Variants in DAB2IP observed in about 807,000 individuals in gnomAD.
DAB2IP encodes DAB2 interacting protein.
In DAB2IP, 28 loss-of-function variants were observed where a neutral mutation model predicts 107.2. The ratio of observed to expected loss-of-function variants is 0.26; its 90% CI spans 0.19 to 0.36. The LOEUF (loss-of-function observed/expected upper bound fraction) is 0.36. Ranked by LOEUF, DAB2IP falls within the 10% of genes least tolerant of loss-of-function variation. The pLI, the probability that DAB2IP is intolerant of heterozygous loss-of-function variation, is 1.00. For missense variants in DAB2IP, 1,400 were observed against 1,644.7 expected (o/e 0.85, Z 2.57); for synonymous variants, 755 against 706.4 (o/e 1.07, Z -1.09).
At position 121,662,008 on chromosome 9, in the gene DAB2IP, C is replaced by G. The variant is rs910479954; in HGVS notation, c.124+10109C>G. On this transcript the variant is annotated intron_variant, in intron 1 of 15. Transcript: ENST00000408936. The surrounding 1 kb of genome is among the most constrained non-coding windows in gnomAD (Gnocchi z 4.6). ...AAAAAAAAAACAAAAAAACCCAACT[C>G]CTAAGATTACAAAAAGCAGTAAATA... Among the ~76,000 whole-genome samples, 4 of 151,968 alleles carry G rather than the reference C, an allele frequency of 2.6e-5. No individual in the cohort carries two copies. The East Asian group carries it at 7.7e-4, about 29-fold the overall frequency.
intron 1 of DAB2IP, among the ~76,000 whole-genome samples, chr9:121,584,322 G>A (rs1051785761): frequency 6.6e-6 from 1 of 151,918 alleles, no homozygotes; most frequent in Non-Finnish European, 1.5e-5. Flanking sequence ...TGGATCACTT[G>A]AGCCCAGGAA....
chr9:121,680,754 T>C (rs75595265), intron 2 of DAB2IP, among the ~76,000 whole-genome samples: 88 of 47,070 alleles, frequency 1.9e-3, no homozygotes, highest in African/African-American at 7.7e-3. Flanking sequence ...TTTTTTTTTT[T>C]TTTTTTGAGA....
At chr9:121,756,311 C>T (rs886195754) in intron 3 of DAB2IP, among the ~76,000 whole-genome samples, 3 of 152,198 alleles carry the variant, frequency 2.0e-5, no homozygotes, top group Non-Finnish European at 4.4e-5. Flanking sequence ...GTTTGGGTGC[C>T]GGGTGGCATC....
At chr9:121,642,045 T>TC (rs1832365795) in intron 1 of DAB2IP, among the ~76,000 whole-genome samples, 1 of 36,682 alleles carries the variant, frequency 2.7e-5, no homozygotes, top group African/African-American at 1.3e-4. Context: ...CTTTCTTTCT[T>TC]TCTTTCTTTC....
chr9:121,779,841 C>T (rs1027043927), intron 14 of DAB2IP, among the ~76,000 whole-genome samples: 2 of 152,236 alleles, frequency 1.3e-5, no homozygotes, highest in Admixed American at 6.5e-5. Flanking sequence ...GAGTTTCTCT[C>T]TGCCTCTTGC....
intron 2 of DAB2IP, among the ~76,000 whole-genome samples, chr9:121,680,995 G>C (rs894288590): frequency 1.3e-5 from 2 of 151,910 alleles, no homozygotes; most frequent in African/African-American, 2.4e-5. Context: ...CTACCACCTC[G>C]GCCTCTCAAA....
intron 1 of DAB2IP, among the ~76,000 whole-genome samples, chr9:121,678,206 G>A (rs997672642): frequency 1.3e-5 from 2 of 152,098 alleles, no homozygotes; most frequent in Non-Finnish European, 2.9e-5. Flanking sequence ...CTGTCTCTAC[G>A]AATTGGCCTC....
chr9:121,706,330 C>T (rs1011998602), intron 3 of DAB2IP, among the ~76,000 whole-genome samples: 3 of 152,190 alleles, frequency 2.0e-5, no homozygotes, highest in African/African-American at 7.2e-5. Context: ...TCTGTTTTCC[C>T]ACCCCTCCAG....
intron 1 of DAB2IP, among the ~76,000 whole-genome samples, chr9:121,574,294 C>G (rs570349992): frequency 2.6e-5 from 4 of 152,214 alleles, no homozygotes; most frequent in African/African-American, 7.2e-5. Flanking sequence ...AGCCAAAGAC[C>G]TGGGCTCTCA....
intron 1 of DAB2IP, among the ~76,000 whole-genome samples, chr9:121,653,467 G>A (rs893734547): frequency 3.3e-5 from 5 of 152,030 alleles, no homozygotes; most frequent in African/African-American, 9.7e-5. Flanking sequence ...TGTGACTTTG[G>A]GCAAGTCATT....
chr9:121,632,029 T>G (rs2119018000), intron 1 of DAB2IP, among the ~76,000 whole-genome samples: 1 of 152,046 alleles, frequency 6.6e-6, no homozygotes, highest in African/African-American at 2.4e-5. Context: ...AGAGCTGAAC[T>G]GAGCCCAGGG....
chr9:121,753,819 C>G (rs1427414830), intron 3 of DAB2IP, among the ~76,000 whole-genome samples: 1 of 152,240 alleles, frequency 6.6e-6, no homozygotes, highest in East Asian at 1.9e-4. Context: ...TCCCTCCTTT[C>G]ACCTGAGCGT....
At chr9:121,567,561 G>A (rs889352699) in intron 1 of DAB2IP, among the ~76,000 whole-genome samples, 17 of 152,226 alleles carry the variant, frequency 1.1e-4, no homozygotes, top group South Asian at 6.2e-4. Flanking sequence ...CTCGCTGTTC[G>A]CCAGGCCTGC....
intron 2 of DAB2IP, among the ~76,000 whole-genome samples, chr9:121,689,831 G>T (rs1829074276): frequency 6.6e-6 from 1 of 152,248 alleles, no homozygotes; most frequent in Non-Finnish European, 1.5e-5. Flanking sequence ...TCAGAGATCA[G>T]CTAGACTAAT....
At position 121,599,296 on chromosome 9, in the gene DAB2IP, CGCCGGCATCTCGG is replaced by C. The variant is rs770434139; in HGVS notation, c.40+32076_40+32088del. Among the ~76,000 whole-genome samples, 35 of 152,156 alleles carry C rather than the reference CGCCGGCATCTCGG, an allele frequency of 2.3e-4. No individual in the cohort carries two copies. The highest frequency in any genetic ancestry group is 3.7e-4 in the Non-Finnish European group (25 of 68,006). On this transcript the variant is annotated intron_variant, in intron 1 of 16. Coordinates refer to the DAB2IP transcript ENST00000259371. This position sits in a 1 kb window ranked among gnomAD's most constrained non-coding sequence, Gnocchi z 6.9. ...CGGGAGGGGAGGGGGCGTGTGGTCCCGCCGGCATCTCGGGCCGGCACCAGGCTGGGGAGCGTGT... is the reference window on the plus strand; with the variant it reads ...CGGGAGGGGAGGGGGCGTGTGGTCCCGCCGGCACCAGGCTGGGGAGCGTGT...
intron 1 of DAB2IP, among the ~76,000 whole-genome samples, chr9:121,622,315 G>T (rs1831503428): frequency 6.6e-6 from 1 of 152,098 alleles, no homozygotes; most frequent in South Asian, 2.1e-4. Context: ...CCTCCCCTTG[G>T]CTCCTTCCAT....
At chr9:121,666,179 C>T (rs1833413008) in intron 1 of DAB2IP, among the ~76,000 whole-genome samples, 1 of 152,186 alleles carries the variant, frequency 6.6e-6, no homozygotes, top group African/African-American at 2.4e-5. Context: ...ACTCCCACCT[C>T]TGCTTCCATC....
At chr9:121,597,778 G>A (rs1830560402) in intron 1 of DAB2IP, among the ~76,000 whole-genome samples, 1 of 152,224 alleles carries the variant, frequency 6.6e-6, no homozygotes, top group Non-Finnish European at 1.5e-5. Flanking sequence ...CAGCCAGAAA[G>A]TGTTGGATTA....
exon 11 of DAB2IP, chr9:121,770,695 G>A (rs1201050151): frequency 1.2e-6 from 2 of 1,614,182 alleles, no homozygotes; most frequent in Non-Finnish European, 1.7e-6. Flanking sequence ...CTGGGCTGCA[G>A]AAGATGGTGA....
Sources: gnomAD v4.1 joint callset for allele counts (sites outside exome capture counted in the v4.1 genomes callset) on GRCh38, gnomAD v4.1.1 for gene constraint, Gnocchi (gnomAD v3.1) non-coding constraint, MANE v1.5 for transcripts, NCBI Gene and HGNC (gene_info 2026-07-23, HGNC 2026-07-21) for gene names.